The following TIAM1 variants were observed in gnomAD, a reference collection of about 807,000 sequenced individuals.
TIAM1 encodes TIAM Rac1 associated GEF 1.
In TIAM1, 65 loss-of-function variants were observed where a neutral mutation model predicts 163.5. The ratio of observed to expected loss-of-function variants is 0.40; its 90% CI spans 0.33 to 0.49. The LOEUF (loss-of-function observed/expected upper bound fraction) is 0.49. Ranked by LOEUF, TIAM1 falls within the 20% of genes least tolerant of loss-of-function variation. The pLI is 0.77. For missense variants in TIAM1, 1,789 were observed against 2,044.7 expected, an observed-to-expected ratio of 0.87 and a Z score of 2.41; for synonymous variants, 833 against 810.1, an observed-to-expected ratio of 1.03 and a Z score of -0.48.
At chr21:31,242,678 C>G (rs1483895607) in intron 6 of TIAM1, among the ~76,000 whole-genome samples, 3 of 151,914 alleles carry the variant, frequency 2.0e-5, no homozygotes, top group African/African-American at 7.3e-5. Context: ...TGAGCAGAGA[C>G]CTGGCAATTT....
At chr21:31,452,962 G>A (rs1194239016) in intron 2 of TIAM1, 1 of 512,160 alleles carries the variant, frequency 2.0e-6, no homozygotes, top group African/African-American at 2.0e-5. Flanking sequence ...GGTGAACTCA[G>A]GCTGAATGGG....
At chr21:31,273,890 T>TG (rs1204996205) in intron 3 of TIAM1, among the ~76,000 whole-genome samples, 10 of 152,226 alleles carry the variant, frequency 6.6e-5, no homozygotes, top group African/African-American at 2.4e-4. Flanking sequence ...GCAATGCCTG[T>TG]GCAAGATCAT....
At chr21:31,346,167 A>T (rs2147108021), upstream of TIAM1, among the ~76,000 whole-genome samples, 1 of 152,124 alleles carries the variant, frequency 6.6e-6, no homozygotes, top group East Asian at 1.9e-4. Context: ...CACGACAAAG[A>T]ATTATCCAGC....
chr21:31,373,203 T>C (rs2076628354), intron 2 of TIAM1, among the ~76,000 whole-genome samples: 1 of 151,978 alleles, frequency 6.6e-6, no homozygotes, highest in South Asian at 2.1e-4. Flanking sequence ...AGCAGGAGGA[T>C]CATTTGAGCC....
intron 2 of TIAM1, among the ~76,000 whole-genome samples, chr21:31,310,315 T>C (rs1327905438): frequency 3.3e-5 from 5 of 151,904 alleles, no homozygotes; most frequent in African/African-American, 9.7e-5. Context: ...ACCAACTAGA[T>C]AGAGGAAGCT....
chr21:31,159,550 C>T (rs1032079321), intron 16 of TIAM1, among the ~76,000 whole-genome samples: 1 of 152,162 alleles, frequency 6.6e-6, no homozygotes, highest in Non-Finnish European at 1.5e-5. Context: ...TTTACTTAAG[C>T]TTTTTTTGGG....
chr21:31,245,308 T>C (rs2071438296), intron 6 of TIAM1, among the ~76,000 whole-genome samples, 180 bp downstream of exon 6: 2 of 147,472 alleles, frequency 1.4e-5, no homozygotes, highest in Admixed American at 1.4e-4. Context: ...GAATTTAATA[T>C]AGATGTTTAT....
chr21:31,336,359 G>A (rs1482573550), intron 2 of TIAM1, among the ~76,000 whole-genome samples: 1 of 152,274 alleles, frequency 6.6e-6, no homozygotes, highest in Middle Eastern at 3.4e-3. Flanking sequence ...GGGAAGATGG[G>A]CTAGCCACTG....
chr21:31,232,281 C>G (rs1044421384), intron 6 of TIAM1, among the ~76,000 whole-genome samples: 1 of 152,116 alleles, frequency 6.6e-6, no homozygotes, highest in Non-Finnish European at 1.5e-5. Context: ...CTCAGCCCCC[C>G]AAACTTTTTA....
At chr21:31,285,662 T>A (rs1265830760) in intron 2 of TIAM1, among the ~76,000 whole-genome samples, 1 of 151,828 alleles carries the variant, frequency 6.6e-6, no homozygotes, top group East Asian at 1.9e-4. Context: ...GAGTTAAGAG[T>A]CCAGCCTGTC....
In TIAM1 at chr21:31,118,821, C is replaced by T. The variant is rs2081897816; in HGVS notation, c.*1547G>A. On this transcript the variant is annotated 3_prime_UTR_variant, in exon 28 of 28. Transcript: ENST00000541036. ...AAGATCAAGCTCGAAGCCCTGGAAA[C>T]CCGAAAGGCGGGGGGAATACAGGGT... 2 of 355,240 alleles carry T rather than the reference C, an allele frequency of 5.6e-6. No homozygotes were observed. The highest frequency in any genetic ancestry group is 4.0e-5 in the Admixed American group (1 of 24,806). The allele number at this position is 355,240 out of a possible 1,614,324, so 22.0% of individuals were successfully genotyped here. A position where few individuals can be genotyped will look rare whatever the true frequency, so the allele number is the denominator to read the frequency against.
intron 2 of TIAM1, among the ~76,000 whole-genome samples, chr21:31,382,168 T>G (rs541184710): frequency 6.6e-6 from 1 of 152,248 alleles, no homozygotes; most frequent in South Asian, 2.1e-4. Flanking sequence ...GATAAGCACA[T>G]CTCCCATGCA....
chr21:31,292,493 C>T (rs1261699961), intron 2 of TIAM1, among the ~76,000 whole-genome samples: 3 of 151,710 alleles, frequency 2.0e-5, no homozygotes, highest in Non-Finnish European at 4.4e-5. Context: ...CCTCAGCCTC[C>T]CGAGTAGCTG....
chr21:31,512,571 T>C (rs1314471301), intron 1 of TIAM1, among the ~76,000 whole-genome samples: 1 of 151,808 alleles, frequency 6.6e-6, no homozygotes, highest in African/African-American at 2.4e-5. Flanking sequence ...GACCTTCTTT[T>C]CTTTTCCAGA....
chr21:31,444,444 A>G (rs538883472), intron 2 of TIAM1, among the ~76,000 whole-genome samples: 31 of 151,642 alleles, frequency 2.0e-4, no homozygotes, highest in African/African-American at 7.5e-4. Flanking sequence ...GTTTTTAAGC[A>G]TAAGGGGTTG....
At chr21:31,393,457 T>G (rs1435316311) in intron 2 of TIAM1, among the ~76,000 whole-genome samples, 1 of 152,172 alleles carries the variant, frequency 6.6e-6, no homozygotes, top group Non-Finnish European at 1.5e-5. Flanking sequence ...ATCCTCTGCC[T>G]CTGCACCCAG....
intron 15 of TIAM1, among the ~76,000 whole-genome samples, chr21:31,165,573 C>T (rs1301203053): frequency 6.6e-6 from 1 of 152,132 alleles, no homozygotes; most frequent in East Asian, 1.9e-4. Context: ...GATGATGGGG[C>T]TTCCCAGGCT....
At chr21:31,548,497 T>G (rs1601065028) in intron 1 of TIAM1, among the ~76,000 whole-genome samples, 1 of 149,774 alleles carries the variant, frequency 6.7e-6, no homozygotes, top group African/African-American at 2.5e-5. Context: ...GTTGTTTTTT[T>G]TTTTTTTTGA....
intron 2 of TIAM1, among the ~76,000 whole-genome samples, chr21:31,455,328 G>GGAAGTACT (rs1006908532): frequency 6.7e-6 from 1 of 148,910 alleles, no homozygotes; most frequent in African/African-American, 2.5e-5. Context: ...TAGAAAGTAA[G>GGAAGTACT]GAAGTACTTA....
Sources: allele counts gnomAD v4.1 joint callset (sites outside exome capture counted in the v4.1 genomes callset), GRCh38; gene constraint gnomAD v4.1.1; transcripts MANE v1.5; gene names NCBI Gene and HGNC (gene_info 2026-07-23, HGNC 2026-07-21).